The following KLHDC10 variants were observed in gnomAD, a reference collection of about 807,000 sequenced individuals.
KLHDC10 encodes kelch domain-containing protein 10.
In KLHDC10, 24 loss-of-function variants were observed where a neutral mutation model predicts 56.1. The observed-to-expected ratio is 0.43, with a 90% confidence interval of 0.31 to 0.60. The LOEUF (loss-of-function observed/expected upper bound fraction) is 0.60, where lower values mean the gene tolerates loss of function less well. KLHDC10 is among the 20% of genes least tolerant of loss of function. KLHDC10 has a pLI of 0.11. For synonymous variants in KLHDC10, 188 were observed against 207.1 expected (o/e 0.91, Z 0.79); for missense variants, 349 against 567.0 (o/e 0.62, Z 3.91).
rs1046131500 is a variant in KLHDC10 at position 130,134,121 on chromosome 7, A to G, written c.*3375A>G. 1.3e-5 allele frequency: 2 copies of G among 152,242 alleles called. No individual in the cohort carries two copies. The highest frequency in any genetic ancestry group is 4.8e-5 in the African/African-American group (2 of 41,466). 9.4% of individuals were successfully genotyped at this position (152,242 alleles called of 1,614,324 possible). A position where few individuals can be genotyped will look rare whatever the true frequency, so the allele number is the denominator to read the frequency against. The stretch of plus-strand genomic sequence containing the variant: ...ATTGAAATCCATAGATAATCAGTGA[A>G]TCAACTTTCCTACCAAACAATAGAT... On this transcript the variant is annotated 3_prime_UTR_variant, in exon 10 of 10. Transcript: ENST00000335420.
intron 1 of KLHDC10, among the ~76,000 whole-genome samples, chr7:130,088,421 C>T (rs572997751): frequency 4.4e-4 from 66 of 151,260 alleles, no homozygotes; most frequent in Admixed American, 2.0e-3. Flanking sequence ...ATTACAGGCT[C>T]GCACCACCAC....
rs1258636290 is a variant in KLHDC10 at position 130,131,878 on chromosome 7, T to C, written c.*1132T>C. On this transcript the variant is annotated 3_prime_UTR_variant, in exon 10 of 10. Transcript: ENST00000335420. The stretch of plus-strand genomic sequence containing the variant: ...CCTTAGCTTGTTGCCTTCTTTTCCG[T>C]CTGCTTTAATGTGCATGGTGCTGTG... 6.6e-6 allele frequency: 1 copy of C among 152,198 alleles called. No homozygotes were observed. The highest frequency in any genetic ancestry group is 2.4e-5 in the African/African-American group (1 of 41,442). 9.4% of individuals were successfully genotyped at this position (152,198 alleles called of 1,614,324 possible).
chr7:130,086,831 T>G (rs1046746641), intron 1 of KLHDC10, among the ~76,000 whole-genome samples: 7 of 152,244 alleles, frequency 4.6e-5, no homozygotes, highest in African/African-American at 1.4e-4. Context: ...AATTTGCCTT[T>G]TAATATCTGT....
At position 130,070,539 on chromosome 7, in the gene KLHDC10, C is replaced by T. The variant is rs538729416; in HGVS notation, c.-105C>T. On this transcript the variant is annotated 5_prime_UTR_variant, in exon 1 of 10. Transcript: ENST00000335420. ...CTCTGGTGGGACCGGGCGCTGCCCC[C>T]TTCCCCTGTCTCCTGGGTCTCTGGA... The T allele has an allele frequency of 5.3e-6, 6 of 1,127,684 alleles. No individual in the cohort carries two copies. The East Asian group carries it at 9.3e-5, about 18-fold the overall frequency. The allele number at this position is 1,127,684 out of a possible 1,614,324, so 69.9% of individuals were successfully genotyped here.
Position 130,116,506 on chromosome 7 carries a change from T to C in KLHDC10, c.315T>C (p.Tyr105=). The C allele has an allele frequency of 1.2e-6, 2 of 1,614,186 alleles. No individual in the cohort carries two copies. Among genetic ancestry groups the C allele is most frequent in the Non-Finnish European group, 1.7e-6 (2 of 1,180,026 alleles). Residue 105 remains tyrosine (Y), a synonymous_variant, in exon 3 of 10, where the codon TAT becomes TAC. Transcript: ENST00000335420. This position sits in a 1 kb window ranked among gnomAD's most constrained non-coding sequence, Gnocchi z 4.8. The part of the protein sequence containing the change: ...HRCVADNTNL[Y]VFGGYNPDYD... Reference sequence around the variant, plus strand: ...GTGTGGCAGATAATACCAACCTATATGTGTTTGGAGGTTATAACCCAGATT... The same window carrying C: ...GTGTGGCAGATAATACCAACCTATACGTGTTTGGAGGTTATAACCCAGATT...
At chr7:130,074,733 A>G (rs1173301232) in intron 1 of KLHDC10, among the ~76,000 whole-genome samples, 2 of 150,874 alleles carry the variant, frequency 1.3e-5, no homozygotes, top group African/African-American at 2.4e-5. Flanking sequence ...CTCCTGCCTC[A>G]GCCTCCTGAG....
intron 2 of KLHDC10, among the ~76,000 whole-genome samples, chr7:130,112,399 T>C (rs758849947): frequency 2.6e-5 from 4 of 152,230 alleles, no homozygotes; most frequent in Non-Finnish European, 5.9e-5. Flanking sequence ...ATTAAGTGTT[T>C]ACCTGTGAAT....
At chr7:130,115,761 A>G (rs1198232281) in intron 2 of KLHDC10, among the ~76,000 whole-genome samples, 1 of 151,614 alleles carries the variant, frequency 6.6e-6, no homozygotes, top group Non-Finnish European at 1.5e-5. Context: ...ACTTCAGGAC[A>G]CTTTCAAATT....
chr7:130,093,102 A>G (rs975581944), intron 1 of KLHDC10, among the ~76,000 whole-genome samples: 4 of 152,042 alleles, frequency 2.6e-5, no homozygotes, highest in Non-Finnish European at 5.9e-5. Context: ...TAATTCAGCC[A>G]ATGACTATGT....
chr7:130,121,505 C>T (rs1049208650), intron 4 of KLHDC10, among the ~76,000 whole-genome samples: 44 of 152,214 alleles, frequency 2.9e-4, no homozygotes, highest in African/African-American at 1.0e-3. Flanking sequence ...TGATAAACAG[C>T]TTCTGAGCTT....
At chr7:130,098,148 A>AT (rs1795876962) in intron 2 of KLHDC10, among the ~76,000 whole-genome samples, 1 of 152,114 alleles carries the variant, frequency 6.6e-6, no homozygotes, top group Admixed American at 6.6e-5. Flanking sequence ...ATGGGTCAAG[A>AT]TAAGATCCTC....
In KLHDC10 at chr7:130,130,337, C is replaced by CATATATATATATATATATATATATATAT. The variant is rs72380761; in HGVS notation, c.1120-183_1120-182insTATATATATATATATATATATATATATA. Among the ~76,000 whole-genome samples the CATATATATATATATATATATATATATAT allele has an allele frequency of 7.1e-5, 10 of 140,816 alleles. No homozygotes were observed. Among genetic ancestry groups the CATATATATATATATATATATATATATAT allele is most frequent in the African/African-American group, 2.7e-4 (10 of 36,906 alleles). 92.4% of individuals were successfully genotyped at this position (140,816 alleles called of 152,430 possible). A position where few individuals can be genotyped will look rare whatever the true frequency, so the allele number is the denominator to read the frequency against. ...ACTCTGTCTCAAAAAAAAAAAAAAT[C>CATATATATATATATATATATATATATAT]ATATATATATATATATAGTTTTTCC... On this transcript the variant is annotated intron_variant, in intron 9 of 9. Coordinates refer to ENST00000335420, the MANE Select transcript of KLHDC10 (RefSeq NM_014997.4). This position sits in a 1 kb window ranked among gnomAD's most constrained non-coding sequence, Gnocchi z 4.2.
At chr7:130,072,724 T>C (rs1795434450) in intron 1 of KLHDC10, among the ~76,000 whole-genome samples, 1 of 151,796 alleles carries the variant, frequency 6.6e-6, no homozygotes, top group Non-Finnish European at 1.5e-5. Flanking sequence ...TGACGGGCCT[T>C]GGAGATAAAA....
chr7:130,088,094 C>G (rs1010551630), intron 1 of KLHDC10, among the ~76,000 whole-genome samples: 2 of 152,068 alleles, frequency 1.3e-5, no homozygotes, highest in Admixed American at 1.3e-4. Flanking sequence ...TTTAAAATAT[C>G]AGATATTAGA....
chr7:130,073,790 A>G (rs1795457328), intron 1 of KLHDC10, among the ~76,000 whole-genome samples: 1 of 152,124 alleles, frequency 6.6e-6, no homozygotes, highest in Admixed American at 6.5e-5. Flanking sequence ...GCAAACTTGA[A>G]ACTTGGTCAT....
At chr7:130,121,825 A>G (rs13223286) in intron 4 of KLHDC10, among the ~76,000 whole-genome samples, 13,603 of 152,294 alleles carry the variant, frequency 0.089, 786 homozygotes, top group Non-Finnish European at 0.13. Context: ...CTTGGGAGGT[A>G]GGACTTCCTT....
Position 130,128,875 on chromosome 7 carries a change from TAAA to T in KLHDC10, c.980-549_980-547del, listed in dbSNP as rs1164826285. On this transcript the variant is annotated intron_variant, in intron 8 of 9. Coordinates refer to ENST00000335420, the MANE Select transcript of KLHDC10 (RefSeq NM_014997.4). ...GGTAATATAGTGAGACCTTGTCTCT[TAAA>T]AAAAAAAAAAAATATATATATATAT... Among the ~76,000 whole-genome samples the T allele has an allele frequency of 4.7e-4, 20 of 42,322 alleles. 1 individual carries two copies. The highest frequency in any genetic ancestry group is 2.9e-3 in the African/African-American group (20 of 6,874). The allele number at this position is 42,322 out of a possible 152,430, so 27.8% of individuals were successfully genotyped here. A position where few individuals can be genotyped will look rare whatever the true frequency, so the allele number is the denominator to read the frequency against.
chr7:130,135,638 T>G lies in KLHDC10; in HGVS notation c.*4892T>G, dbSNP rs977727274. On this transcript the variant is annotated 3_prime_UTR_variant, in exon 10 of 10. Coordinates refer to ENST00000335420, the MANE Select transcript of KLHDC10 (RefSeq NM_014997.4). The stretch of plus-strand genomic sequence containing the variant: ...CCCTAAAATGTCCAATCTGTATTTA[T>G]GTACCTTGTCAGTGTTTTGCTGTTG... The G allele has an allele frequency of 6.5e-6, 1 of 154,434 alleles. No individual in the cohort carries two copies. Among genetic ancestry groups the G allele is most frequent in the African/African-American group, 2.4e-5 (1 of 41,546 alleles). The allele number at this position is 154,434 out of a possible 1,614,324, so 9.6% of individuals were successfully genotyped here. A position where few individuals can be genotyped will look rare whatever the true frequency, so the allele number is the denominator to read the frequency against.
At chr7:130,073,111 G>T (rs1469612463) in intron 1 of KLHDC10, among the ~76,000 whole-genome samples, 1 of 151,496 alleles carries the variant, frequency 6.6e-6, no homozygotes, top group Admixed American at 6.6e-5. Context: ...GCTCACATCT[G>T]TAACCCCAGC....
Sources: allele counts gnomAD v4.1 joint callset (sites outside exome capture counted in the v4.1 genomes callset), GRCh38; gene constraint gnomAD v4.1.1; non-coding constraint Gnocchi (gnomAD v3.1); transcripts MANE v1.5; gene names NCBI Gene and HGNC (gene_info 2026-07-23, HGNC 2026-07-21).